Variants in CHN2 observed in about 807,000 individuals in gnomAD.
The protein encoded by CHN2 is beta-chimaerin.
A neutral mutation model predicts 56.3 loss-of-function variants in CHN2; 35 were observed. The ratio of observed to expected loss-of-function variants is 0.62; its 90% CI spans 0.47 to 0.82. The LOEUF (loss-of-function observed/expected upper bound fraction) is 0.82, where lower values mean the gene tolerates loss of function less well. CHN2 is among the 40% of genes least tolerant of loss of function. The pLI is 0.00. For missense variants in CHN2, 491 were observed against 580.5 expected, an observed-to-expected ratio of 0.85 and a Z score of 1.58; for synonymous variants, 210 against 212.8, an observed-to-expected ratio of 0.99 and a Z score of 0.12.
chr7:29,408,743 TAGAA>T (rs1331736712), intron 6 of CHN2, among the ~76,000 whole-genome samples: 1 of 152,194 alleles, frequency 6.6e-6, no homozygotes, highest in African/African-American at 2.4e-5. Context: ...GGGTGGATAT[TAGAA>T]AGAATCTCTT....
intron 1 of CHN2, among the ~76,000 whole-genome samples, chr7:29,211,110 G>T (rs1363716175): frequency 1.3e-5 from 2 of 151,562 alleles, no homozygotes; most frequent in Non-Finnish European, 2.9e-5. Context: ...TCGCTCTATC[G>T]CCCAGGCTGG....
chr7:29,396,453 T>A (rs1585254831), intron 4 of CHN2, among the ~76,000 whole-genome samples: 1 of 86,526 alleles, frequency 1.2e-5, no homozygotes, highest in East Asian at 4.0e-4. Flanking sequence ...AGAGTGAGAC[T>A]CTCTCCAAAA....
chr7:29,438,441 G>C (rs1783400565), intron 6 of CHN2, among the ~76,000 whole-genome samples: 1 of 152,070 alleles, frequency 6.6e-6, no homozygotes, highest in Non-Finnish European at 1.5e-5. Context: ...TGGCTGCGTA[G>C]CAATTCATTG....
intron 1 of CHN2, among the ~76,000 whole-genome samples, chr7:29,251,403 G>A (rs528822877): frequency 2.6e-5 from 4 of 152,122 alleles, no homozygotes; most frequent in Middle Eastern, 6.8e-3. Flanking sequence ...GCAGTGAGCC[G>A]TGATCATGCC....
intron 1 of CHN2, among the ~76,000 whole-genome samples, chr7:29,202,625 G>A (rs562393206): frequency 2.6e-5 from 4 of 152,260 alleles, no homozygotes; most frequent in Admixed American, 1.3e-4. Context: ...TTGATTTAGG[G>A]CAATATGAAT....
At chr7:29,208,352 C>T (rs1307389271) in intron 1 of CHN2, among the ~76,000 whole-genome samples, 2 of 152,164 alleles carry the variant, frequency 1.3e-5, no homozygotes, top group Non-Finnish European at 2.9e-5. Context: ...TGCCCCTTCA[C>T]GGGAGTGTGA....
At chr7:29,189,665 AACTC>A (rs1314460561) in intron 2 of CHN2, among the ~76,000 whole-genome samples, 5 of 149,848 alleles carry the variant, frequency 3.3e-5, no homozygotes, top group African/African-American at 9.9e-5. Context: ...CAGAAAGAAA[AACTC>A]TCTCTCTCTC....
intron 6 of CHN2, among the ~76,000 whole-genome samples, chr7:29,424,329 C>G (rs771247015): frequency 1.4e-4 from 21 of 152,108 alleles, no homozygotes; most frequent in Admixed American, 8.5e-4. Context: ...ATAGGGAAGA[C>G]CCTTGATCTC....
chr7:29,196,464 GTTTAT>G (rs1258720226), intron 1 of CHN2, among the ~76,000 whole-genome samples: 3 of 152,218 alleles, frequency 2.0e-5, no homozygotes, highest in African/African-American at 4.8e-5. Context: ...AAATGCTACA[GTTTAT>G]TTTTAGTACC....
At chr7:29,400,876 A>G (rs1472413361) in intron 6 of CHN2, 48 bp downstream of exon 6, 2 of 1,581,070 alleles carry the variant, frequency 1.3e-6, no homozygotes, top group Non-Finnish European at 1.7e-6. Context: ...TCCATGCCGC[A>G]TCAACAGGCG....
intron 1 of CHN2, among the ~76,000 whole-genome samples, chr7:29,231,454 G>T (rs1209448000): frequency 1.3e-5 from 2 of 152,116 alleles, no homozygotes; most frequent in Non-Finnish European, 2.9e-5. Flanking sequence ...TTACGCATAG[G>T]CAGCCCATCC....
intron 6 of CHN2, among the ~76,000 whole-genome samples, chr7:29,408,556 A>C (rs1349309144): frequency 6.6e-6 from 1 of 152,224 alleles, no homozygotes; most frequent in Admixed American, 6.5e-5. Context: ...TCTGGTGGCT[A>C]CAGTTACCTG....
intron 1 of CHN2, among the ~76,000 whole-genome samples, chr7:29,341,691 T>C (rs1322085750): frequency 1.3e-5 from 2 of 152,226 alleles, no homozygotes; most frequent in African/African-American, 2.4e-5. Context: ...TTAAATAATG[T>C]CATGAGTTTT....
At position 29,354,648 on chromosome 7, in the gene CHN2, A is replaced by G. The variant is rs772336943; in HGVS notation, c.73A>G (p.Ile25Val). ...SSDAEEYQPP[I>V]WKSYLYQLQQ... ...AGATGCTGAAGAATACCAGCCTCCTATATGGAAATCATACTGTGAGTACCT... is the reference window on the plus strand; with the variant it reads ...AGATGCTGAAGAATACCAGCCTCCTGTATGGAAATCATACTGTGAGTACCT... The change falls in exon 2 of 13, where the codon ATA becomes GTA. Residue 25 changes from isoleucine (I) to valine (V), a missense_variant. Physicochemically the swap from Ile to Val is conservative, Grantham distance 29. Coordinates refer to ENST00000222792, the MANE Select transcript of CHN2 (RefSeq NM_004067.4). 7.4e-6 allele frequency: 12 copies of G among 1,611,728 alleles called. No homozygotes were observed. The Middle Eastern group carries it at 4.9e-4, about 66-fold the overall frequency.
At chr7:29,459,979 G>T (rs1464469486) in intron 6 of CHN2, among the ~76,000 whole-genome samples, 2 of 152,160 alleles carry the variant, frequency 1.3e-5, no homozygotes, top group African/African-American at 2.4e-5. Context: ...GGCAAGTCAG[G>T]CGTGGCTGCC....
chr7:29,200,927 T>C (rs938086599), intron 1 of CHN2, among the ~76,000 whole-genome samples: 11 of 152,184 alleles, frequency 7.2e-5, no homozygotes, highest in African/African-American at 2.7e-4. Context: ...CTTTCAGCTG[T>C]GCATTCTGGG....
chr7:29,197,196 C>T (rs183868141), intron 1 of CHN2, among the ~76,000 whole-genome samples: 27 of 152,254 alleles, frequency 1.8e-4, no homozygotes, highest in African/African-American at 6.0e-4. Context: ...TTAGGGCACT[C>T]CGTCAATGTA....
chr7:29,466,582 C>T (rs776112114), intron 6 of CHN2, among the ~76,000 whole-genome samples: 14 of 152,154 alleles, frequency 9.2e-5, no homozygotes, highest in Non-Finnish European at 1.9e-4. Context: ...CCTAAAATGG[C>T]TCAGTTTAAG....
At chr7:29,216,281 T>A (rs1785334268) in intron 1 of CHN2, among the ~76,000 whole-genome samples, 1 of 152,008 alleles carries the variant, frequency 6.6e-6, no homozygotes, top group South Asian at 2.1e-4. Context: ...GTTGGGGAAA[T>A]TGGTAGAGGC....
Sources: gnomAD v4.1 joint callset for allele counts (sites outside exome capture counted in the v4.1 genomes callset) on GRCh38, gnomAD v4.1.1 for gene constraint, MANE v1.5 for transcripts, NCBI Gene and HGNC (gene_info 2026-07-23, HGNC 2026-07-21) for gene names.